The following ASB13 variants were observed in gnomAD, a reference collection of about 807,000 sequenced individuals.
ASB13 encodes ankyrin repeat and SOCS box protein 13.
A neutral mutation model predicts 28.8 loss-of-function variants in ASB13; 33 were observed. The observed-to-expected ratio is 1.15, with a 90% CI of 0.87 to 1.53. The LOEUF (loss-of-function observed/expected upper bound fraction) is 1.53, where lower values mean the gene tolerates loss of function less well. Ranked by LOEUF, ASB13 falls within the 40% of genes most tolerant of loss-of-function variation. The pLI is 0.00. For synonymous variants in ASB13, 182 were observed against 172.9 expected, an observed-to-expected ratio of 1.05 and a Z score of -0.41; for missense variants, 414 against 390.1, an observed-to-expected ratio of 1.06 and a Z score of -0.52.
chr10:5,652,948 G>C lies in ASB13; in HGVS notation c.146C>G (p.Thr49Ser), dbSNP rs1835011773. ...GTGCAGGGGCGTGATGGAGTCCACGGTGACCTGGTTCACGCAGGCGCCGCT... is the reference window on the plus strand; with the variant it reads ...GTGCAGGGGCGTGATGGAGTCCACGCTGACCTGGTTCACGCAGGCGCCGCT... ...IESGACVNQV[T>S]VDSITPLHAA... The change falls in exon 2 of 6, where the codon ACC (threonine) becomes AGC (serine). Residue 49 changes from threonine to serine, a missense_variant. By Grantham distance (58) the Thr-to-Ser change is moderately conservative. Coordinates refer to ENST00000357700, the MANE Select transcript of ASB13 (RefSeq NM_024701.4). This position sits in a 1 kb window ranked among gnomAD's most constrained non-coding sequence, Gnocchi z 5.0. The C allele has an allele frequency of 6.3e-7, 1 of 1,580,090 alleles. No homozygotes were observed. Among genetic ancestry groups the C allele is most frequent in the Non-Finnish European group, 8.6e-7 (1 of 1,163,258 alleles).
chr10:5,651,178 C>T lies in ASB13; in HGVS notation c.382+35G>A. ...CCCAGAAAGGAGGAAACTTCCAGAG[C>T]CCAGCTGGGCCAGCCCAGCCGTCTG... On this transcript the variant is annotated intron_variant, in intron 3 of 5. Transcript: ENST00000357700. The surrounding 1 kb of genome is among the most constrained non-coding windows in gnomAD (Gnocchi z 5.1). The T allele has an allele frequency of 1.3e-6, 2 of 1,568,538 alleles. No homozygotes were observed. The highest frequency in any genetic ancestry group is 1.7e-6 in the Non-Finnish European group (2 of 1,156,498).
At position 5,641,606 on chromosome 10, in the gene ASB13, AG is replaced by A. The variant is rs1029342136; in HGVS notation, c.709+163del. Reference sequence around the variant, plus strand: ...GGAACCCAGGGAGAGCTGGGGCAACAGCACAAACAGCCCCCGCAAAGTGCTT... The same window carrying A: ...GGAACCCAGGGAGAGCTGGGGCAACACACAAACAGCCCCCGCAAAGTGCTT... On this transcript the variant is annotated intron_variant, in intron 5 of 5. Coordinates refer to ENST00000357700, the MANE Select transcript of ASB13 (RefSeq NM_024701.4). The surrounding 1 kb of genome is among the most constrained non-coding windows in gnomAD (Gnocchi z 8.4). Among the ~76,000 whole-genome samples the A allele has an allele frequency of 3.0e-4, 45 of 152,160 alleles. No homozygotes were observed. Among genetic ancestry groups the A allele is most frequent in the African/African-American group, 1.0e-3 (43 of 41,438 alleles).
At chr10:5,643,846 A>G (rs974005134) in intron 4 of ASB13, among the ~76,000 whole-genome samples, 4 of 152,238 alleles carry the variant, frequency 2.6e-5, no homozygotes, top group African/African-American at 7.2e-5. Context: ...AAACAGAGAA[A>G]GAGGCCCAAG....
Position 5,649,403 on chromosome 10 carries a change from T to TC in ASB13, c.383-300dup, listed in dbSNP as rs1834949433. 6.6e-6 allele frequency among the ~76,000 whole-genome samples: 1 copy of TC among 151,522 alleles called. No homozygotes were observed. The highest frequency in any genetic ancestry group is 1.5e-5 in the Non-Finnish European group (1 of 67,828). ...CCACCTAGAATGGGTCAGGGAAAACTCCCCCGCTGCCCCCCTGCCCTGTGT... is the reference window on the plus strand; with the variant it reads ...CCACCTAGAATGGGTCAGGGAAAACTCCCCCCGCTGCCCCCCTGCCCTGTGT... On this transcript the variant is annotated intron_variant, in intron 3 of 5. Transcript: ENST00000357700. The surrounding 1 kb of genome is among the most constrained non-coding windows in gnomAD (Gnocchi z 6.4).
chr10:5,649,216 G>A lies in ASB13; in HGVS notation c.383-112C>T, dbSNP rs879279252. Reference sequence around the variant, plus strand: ...TCCATCCTTGGTGCAGGGCAGGGAAGCCAGGCAGGCCTGCGTCCCAACCTA... The same window carrying A: ...TCCATCCTTGGTGCAGGGCAGGGAAACCAGGCAGGCCTGCGTCCCAACCTA... On this transcript the variant is annotated intron_variant, in intron 3 of 5. Transcript: ENST00000357700. The surrounding 1 kb of genome is among the most constrained non-coding windows in gnomAD (Gnocchi z 6.4). 17 of 1,461,894 alleles carry A rather than the reference G, an allele frequency of 1.2e-5. No homozygotes were observed. The highest frequency in any genetic ancestry group is 1.5e-5 in the Non-Finnish European group (16 of 1,070,894). 90.6% of individuals were successfully genotyped at this position (1,461,894 alleles called of 1,614,324 possible). A position where few individuals can be genotyped will look rare whatever the true frequency, so the allele number is the denominator to read the frequency against.
At chr10:5,646,228 G>A (rs1834884389) in intron 4 of ASB13, among the ~76,000 whole-genome samples, 1 of 152,212 alleles carries the variant, frequency 6.6e-6, no homozygotes, top group Non-Finnish European at 1.5e-5. Flanking sequence ...CGACTGTGCT[G>A]CCACCTGGTA....
In ASB13 at chr10:5,639,139, G is replaced by A. The variant is rs1382743490; in HGVS notation, c.*1564C>T. The A allele has an allele frequency of 6.6e-6, 1 of 152,636 alleles. No individual in the cohort carries two copies. The highest frequency in any genetic ancestry group is 2.4e-5 in the African/African-American group (1 of 41,452). 9.5% of individuals were successfully genotyped at this position (152,636 alleles called of 1,614,324 possible). A position where few individuals can be genotyped will look rare whatever the true frequency, so the allele number is the denominator to read the frequency against. ...CCGCCATGACAATGGCGGGAACGCT[G>A]GAGTAAAACCTCACGGCGGCCAGCA... On this transcript the variant is annotated 3_prime_UTR_variant, in exon 6 of 6. Transcript: ENST00000357700.
rs546460311 is a variant in ASB13, at chr10:5,659,068, G to T, written c.44-6018C>A. Among the ~76,000 whole-genome samples, 1 of 152,334 alleles carries T rather than the reference G, an allele frequency of 6.6e-6. No homozygotes were observed. Among genetic ancestry groups the T allele is most frequent in the East Asian group, 1.9e-4 (1 of 5,176 alleles). The stretch of plus-strand genomic sequence containing the variant: ...CAGCTTATGGTCACGGACCTTAAAT[G>T]GATGAGGAGTGAGCACAGGAAATGC... On this transcript the variant is annotated intron_variant, in intron 1 of 5. Coordinates refer to ENST00000357700, the MANE Select transcript of ASB13 (RefSeq NM_024701.4). This position sits in a 1 kb window ranked among gnomAD's most constrained non-coding sequence, Gnocchi z 5.8.
chr10:5,666,252 C>G, intron 1 of ASB13, among the ~76,000 whole-genome samples: 1 of 152,126 alleles, frequency 6.6e-6, no homozygotes, highest in East Asian at 1.9e-4. Context: ...TGCGAAACCC[C>G]ACACCTGGCG....
At position 5,641,753 on chromosome 10, in the gene ASB13, T is replaced by C. The variant is rs1834809873; in HGVS notation, c.709+17A>G. Reference sequence around the variant, plus strand: ...GAAGGCTGGAGGGGATGGGGTGCGCTCGGTGGGGTGTCTCACTTTCGTAGT... The same window carrying C: ...GAAGGCTGGAGGGGATGGGGTGCGCCCGGTGGGGTGTCTCACTTTCGTAGT... On this transcript the variant is annotated intron_variant, in intron 5 of 5. Transcript: ENST00000357700. This position sits in a 1 kb window ranked among gnomAD's most constrained non-coding sequence, Gnocchi z 8.4. The C allele has an allele frequency of 6.4e-7, 1 of 1,556,558 alleles. No individual in the cohort carries two copies. Among genetic ancestry groups the C allele is most frequent in the South Asian group, 1.2e-5 (1 of 85,418 alleles).
rs1835221670 is a variant in ASB13, at chr10:5,664,326, C to T, written c.43+2183G>A. Among the ~76,000 whole-genome samples, 1 of 148,456 alleles carries T rather than the reference C, an allele frequency of 6.7e-6. No homozygotes were observed. Among genetic ancestry groups the T allele is most frequent in the Admixed American group, 6.9e-5 (1 of 14,522 alleles). ...AAACACTGAACCAGGAGAGAGAGAACACAGGACTCATTGCTTACCTGAGGG... is the reference window on the plus strand; with the variant it reads ...AAACACTGAACCAGGAGAGAGAGAATACAGGACTCATTGCTTACCTGAGGG... On this transcript the variant is annotated intron_variant, in intron 1 of 5. Coordinates refer to ENST00000357700, the MANE Select transcript of ASB13 (RefSeq NM_024701.4). The surrounding 1 kb of genome is among the most constrained non-coding windows in gnomAD (Gnocchi z 4.2).
chr10:5,644,503 G>A lies in ASB13; in HGVS notation c.518-2542C>T, dbSNP rs1346048838. On this transcript the variant is annotated intron_variant, in intron 4 of 5. Transcript: ENST00000357700. This position sits in a 1 kb window ranked among gnomAD's most constrained non-coding sequence, Gnocchi z 5.1. ...AGAGTGAGGCCCATAGTGAGAAAGA[G>A]AACATAAACAGGTACTCGTTAGAGG... Among the ~76,000 whole-genome samples the A allele has an allele frequency of 6.7e-6, 1 of 149,406 alleles. No homozygotes were observed. Among genetic ancestry groups the A allele is most frequent in the Admixed American group, 6.6e-5 (1 of 15,066 alleles).
intron 5 of ASB13, 26 bp from the exon 6 acceptor site, chr10:5,640,856 T>C: frequency 6.2e-7 from 1 of 1,611,286 alleles, no homozygotes; most frequent in Non-Finnish European, 8.5e-7. Context: ...AGGAAGGATG[T>C]GAGGTTAATT....
In ASB13 at chr10:5,645,598, C is replaced by T. The variant is rs192005415; in HGVS notation, c.517+3372G>A. 2.9e-4 allele frequency among the ~76,000 whole-genome samples: 44 copies of T among 152,276 alleles called. 1 individual carries two copies. The highest frequency in any genetic ancestry group is 2.6e-3 in the Admixed American group (40 of 15,296). On this transcript the variant is annotated intron_variant, in intron 4 of 5. Coordinates refer to ENST00000357700, the MANE Select transcript of ASB13 (RefSeq NM_024701.4). This position sits in a 1 kb window ranked among gnomAD's most constrained non-coding sequence, Gnocchi z 5.4. ...CTGCCTCACAGCTCAGCTCTCAAAC[C>T]GCACATGAAAGCACCTGCACTCATG...
In ASB13 at chr10:5,642,011, T is replaced by C. The variant is rs771774818; in HGVS notation, c.518-50A>G. On this transcript the variant is annotated intron_variant, in intron 4 of 5. Coordinates refer to ENST00000357700, the MANE Select transcript of ASB13 (RefSeq NM_024701.4). This position sits in a 1 kb window ranked among gnomAD's most constrained non-coding sequence, Gnocchi z 4.1. The stretch of plus-strand genomic sequence containing the variant: ...ATTTCACCAAGAAGAGAACTTGAAG[T>C]CAGGGGGACAATCAGGTCCGTTTCG... 6.4e-7 allele frequency: 1 copy of C among 1,563,552 alleles called. No homozygotes were observed. The highest frequency in any genetic ancestry group is 1.2e-5 in the South Asian group (1 of 86,908).
In ASB13 at chr10:5,642,100, T is replaced by A; in HGVS notation, c.518-139A>T. 1 of 762,850 alleles carries A rather than the reference T, an allele frequency of 1.3e-6. No homozygotes were observed. Among genetic ancestry groups the A allele is most frequent in the Non-Finnish European group, 2.0e-6 (1 of 491,894 alleles). 47.3% of individuals were successfully genotyped at this position (762,850 alleles called of 1,614,324 possible). A position where few individuals can be genotyped will look rare whatever the true frequency, so the allele number is the denominator to read the frequency against. On this transcript the variant is annotated intron_variant, in intron 4 of 5. Coordinates refer to ENST00000357700, the MANE Select transcript of ASB13 (RefSeq NM_024701.4). The surrounding 1 kb of genome is among the most constrained non-coding windows in gnomAD (Gnocchi z 4.1). ...GACAAAATCAGGACAGACTCTACCG[T>A]AGCTTTCAAAAATGTTTTTCAACAT...
chr10:5,664,069 A>T lies in ASB13; in HGVS notation c.43+2440T>A, dbSNP rs1835216353. ...ATTTCCAGACCATCGGGGGAGCTGG[A>T]GAGCAGGCTGGTGCAGTGGCTAACC... On this transcript the variant is annotated intron_variant, in intron 1 of 5. Transcript: ENST00000357700. This position sits in a 1 kb window ranked among gnomAD's most constrained non-coding sequence, Gnocchi z 4.2. Among the ~76,000 whole-genome samples the T allele has an allele frequency of 6.6e-6, 1 of 152,180 alleles. No homozygotes were observed. Among genetic ancestry groups the T allele is most frequent in the African/African-American group, 2.4e-5 (1 of 41,448 alleles).
Position 5,653,068 on chromosome 10 carries a change from C to T in ASB13, c.44-18G>A. 1 of 1,531,254 alleles carries T rather than the reference C, an allele frequency of 6.5e-7. No homozygotes were observed. Among genetic ancestry groups the T allele is most frequent in the East Asian group, 2.5e-5 (1 of 40,628 alleles). The allele number at this position is 1,531,254 out of a possible 1,614,324, so 94.9% of individuals were successfully genotyped here. A position where few individuals can be genotyped will look rare whatever the true frequency, so the allele number is the denominator to read the frequency against. ...CCAGAAACCTGGAAAGGAAGGGGAC[C>T]TCAGGCTAAGACCCTGCCACTTCCA... is the stretch of plus-strand genomic sequence containing the variant. On this transcript the variant is annotated intron_variant, in intron 1 of 5. Coordinates refer to ENST00000357700, the MANE Select transcript of ASB13 (RefSeq NM_024701.4).
In ASB13 at chr10:5,648,996, T is replaced by C. The variant is rs768407605; in HGVS notation, c.491A>G (p.Asp164Gly). 3.1e-6 allele frequency: 5 copies of C among 1,614,082 alleles called. No homozygotes were observed. The Admixed American group carries it at 6.7e-5, about 22-fold the overall frequency. Residue 164 changes from aspartate to glycine, a missense_variant, in exon 4 of 6, where the codon GAC (aspartate) becomes GGC (glycine). Physicochemically the swap from Asp to Gly is moderately conservative, Grantham distance 94. Transcript: ENST00000357700. ...TGCATTGAGCAGCACTTTGACACAG[T>C]CCAGATGCTCCCGGGCACAGGCAAC... ...LHVACAREHL[D>G]CVKVLLNAGA...
Sources: allele counts gnomAD v4.1 joint callset (sites outside exome capture counted in the v4.1 genomes callset), GRCh38; gene constraint gnomAD v4.1.1; non-coding constraint Gnocchi (gnomAD v3.1); transcripts MANE v1.5; gene names NCBI Gene and HGNC (gene_info 2026-07-23, HGNC 2026-07-21).